TBC1D9B: variants seen among roughly 807,000 people sequenced by gnomAD.
TBC1D9B encodes the protein TBC1 domain family, member 9B (with GRAM domain).
In TBC1D9B, 87 loss-of-function variants were observed where a neutral mutation model predicts 121.1. The ratio of observed to expected loss-of-function variants is 0.72; its 90% CI spans 0.60 to 0.86. The LOEUF is 0.86. Among genes scored for constraint, TBC1D9B ranks in the 40% least tolerant of loss-of-function variants. TBC1D9B has a pLI of 0.00. For synonymous variants in TBC1D9B, 668 were observed against 670.1 expected (o/e 1.00, Z 0.05); for missense variants, 1,540 against 1,628.6 (o/e 0.95, Z 0.94).
intron 7 of TBC1D9B, chr5:179,884,396 G>A (rs1333964274): frequency 6.6e-6 from 1 of 152,186 alleles, no homozygotes; most frequent in African/African-American, 2.4e-5. Flanking sequence ...TCTGCACAGA[G>A]TCATGCCACA....
chr5:179,881,083 G>A (rs1001228760), intron 7 of TBC1D9B, among the ~76,000 whole-genome samples: 1 of 152,174 alleles, frequency 6.6e-6, no homozygotes, highest in African/African-American at 2.4e-5. Flanking sequence ...ACCGCCGGGT[G>A]TGTGGCGTGC....
chr5:179,887,107 T>C (rs1383449739), intron 7 of TBC1D9B, among the ~76,000 whole-genome samples: 1 of 152,230 alleles, frequency 6.6e-6, no homozygotes, highest in Admixed American at 6.5e-5. Context: ...GAGTAAAACA[T>C]GTATTCCACC....
chr5:179,870,530 C>T (rs780806301), intron 15 of TBC1D9B, 35 bp from the exon 16 acceptor site: 5 of 1,580,818 alleles, frequency 3.2e-6, no homozygotes, highest in Non-Finnish European at 4.3e-6. Context: ...GGTCCAGCCG[C>T]TAAGCCTGTG....
Position 179,888,090 on chromosome 5 carries a change from A to T in TBC1D9B, c.1254+13T>A. The T allele has an allele frequency of 3.1e-6, 5 of 1,613,128 alleles. No homozygotes were observed. Among genetic ancestry groups the T allele is most frequent in the Non-Finnish European group, 4.2e-6 (5 of 1,179,946 alleles). On this transcript the variant is annotated intron_variant, in intron 7 of 20. Coordinates refer to ENST00000355235, the MANE Select transcript of TBC1D9B (RefSeq NM_015043.4). ...GCCCAACTCGACCCTGCTGCTCCCA[A>T]GGGGCTTCTCACCTCTGTGCTAGGG...
At position 179,907,561 on chromosome 5, in the gene TBC1D9B, C is replaced by T; in HGVS notation, c.118+143G>A. ...GGCTCCCGGGTCCTGGCCTCGCGCCCCCGCCCCGCCGCGCGCTGGCGTGCG... is the reference window on the plus strand; with the variant it reads ...GGCTCCCGGGTCCTGGCCTCGCGCCTCCGCCCCGCCGCGCGCTGGCGTGCG... On this transcript the variant is annotated intron_variant, in intron 1 of 20. Coordinates refer to ENST00000355235, the MANE Select transcript of TBC1D9B (RefSeq NM_015043.4). This position sits in a 1 kb window ranked among gnomAD's most constrained non-coding sequence, Gnocchi z 5.3. 3.1e-6 allele frequency: 1 copy of T among 324,242 alleles called. No homozygotes were observed. 20.1% of individuals were successfully genotyped at this position (324,242 alleles called of 1,614,324 possible).
At chr5:179,871,261 G>T (rs1188801096) in intron 15 of TBC1D9B, among the ~76,000 whole-genome samples, 1 of 152,206 alleles carries the variant, frequency 6.6e-6, no homozygotes, top group Non-Finnish European at 1.5e-5. Flanking sequence ...AAGAGGTCCT[G>T]CCTAAACTCC....
Position 179,904,220 on chromosome 5 carries a change from C to CTTTATT in TBC1D9B, c.229+481_229+482insAATAAA. 1.2e-5 allele frequency among the ~76,000 whole-genome samples: 1 copy of CTTTATT among 80,914 alleles called. No homozygotes were observed. The highest frequency in any genetic ancestry group is 5.0e-5 in the African/African-American group (1 of 20,020). 53.1% of individuals were successfully genotyped at this position (80,914 alleles called of 152,430 possible). On this transcript the variant is annotated intron_variant, in intron 2 of 20. Coordinates refer to ENST00000355235, the MANE Select transcript of TBC1D9B (RefSeq NM_015043.4). This position sits in a 1 kb window ranked among gnomAD's most constrained non-coding sequence, Gnocchi z 4.2. ...CTGTCCCCATGACCAGTGGAGCTGC[C>CTTTATT]TTTTTTTTTTTTTTTTTTTTTTGAG...
chr5:179,877,679 A>AAAAAAG (rs1760399722), intron 10 of TBC1D9B, among the ~76,000 whole-genome samples: 2 of 149,726 alleles, frequency 1.3e-5, no homozygotes, highest in South Asian at 4.1e-4. Context: ...AAAAAAAAAA[A>AAAAAAG]AAAAGAAAAG....
At position 179,865,372 on chromosome 5, in the gene TBC1D9B, G is replaced by C. The variant is rs2113598341; in HGVS notation, c.2915-12C>G. 1 of 1,612,774 alleles carries C rather than the reference G, an allele frequency of 6.2e-7. No homozygotes were observed. The highest frequency in any genetic ancestry group is 8.5e-7 in the Non-Finnish European group (1 of 1,178,932). ...GGTCCCCTTCTCCTCTGCAGGTTAGGAGGAAAGAGATTAATCTTTGTCATG... is the reference window on the plus strand; with the variant it reads ...GGTCCCCTTCTCCTCTGCAGGTTAGCAGGAAAGAGATTAATCTTTGTCATG... On this transcript the variant is annotated splice_polypyrimidine_tract_variant and intron_variant, in intron 19 of 20. Transcript: ENST00000355235. This position sits in a 1 kb window ranked among gnomAD's most constrained non-coding sequence, Gnocchi z 5.1.
chr5:179,876,637 C>A (rs1026423321), intron 10 of TBC1D9B, among the ~76,000 whole-genome samples: 5 of 152,164 alleles, frequency 3.3e-5, no homozygotes, highest in African/African-American at 7.2e-5. Context: ...CAATTAGATA[C>A]CCTCATGCCC....
At chr5:179,870,134 A>AG in intron 16 of TBC1D9B, 121 bp downstream of exon 16, 2 of 1,491,104 alleles carry the variant, frequency 1.3e-6, no homozygotes, top group South Asian at 2.6e-5. Flanking sequence ...ATCTAGGGCC[A>AG]GGGGCTCAAG....
intron 12 of TBC1D9B, among the ~76,000 whole-genome samples, chr5:179,873,736 C>T (rs1760271661): frequency 6.6e-6 from 1 of 152,152 alleles, no homozygotes; most frequent in African/African-American, 2.4e-5. Flanking sequence ...TGGAGCCCTA[C>T]CTCTGTCAGC....
intron 9 of TBC1D9B, 47 bp downstream of exon 9, chr5:179,879,000 G>A (rs1483383533): frequency 1.3e-6 from 2 of 1,587,068 alleles, no homozygotes; most frequent in South Asian, 2.2e-5. Context: ...GAGAGCTTGG[G>A]GACTGACTGG....
chr5:179,900,824 G>A (rs1052159206), intron 2 of TBC1D9B, among the ~76,000 whole-genome samples: 8 of 152,120 alleles, frequency 5.3e-5, no homozygotes, highest in East Asian at 3.9e-4. Context: ...AGAGCACTAC[G>A]GCACTATGCT....
intron 3 of TBC1D9B, 48 bp downstream of exon 3, chr5:179,899,140 AC>A (rs1375908578): frequency 1.4e-6 from 2 of 1,473,834 alleles, no homozygotes; most frequent in Non-Finnish European, 1.9e-6. Context: ...ACACGAGAAC[AC>A]TGCTGGCCAG....
intron 7 of TBC1D9B, among the ~76,000 whole-genome samples, chr5:179,883,539 T>C (rs986556818): frequency 2.0e-5 from 3 of 152,194 alleles, no homozygotes; most frequent in African/African-American, 7.2e-5. Context: ...TCTGGTTTTT[T>C]TTTTCTTATT....
chr5:179,876,129 C>A, intron 10 of TBC1D9B, 92 bp from the exon 11 acceptor site: 1 of 893,216 alleles, frequency 1.1e-6, no homozygotes, highest in Non-Finnish European at 1.7e-6. Context: ...CCCCTCCCTG[C>A]AAGGGCCCAC....
rs979350477 is a variant in TBC1D9B, at chr5:179,907,252, G to T, written c.118+452C>A. ...AAAAGGGCGATACTTTGGTGAGATG[G>T]GCACGAAGAAGAGGGCAAAAGAAAA... On this transcript the variant is annotated intron_variant, in intron 1 of 20. Coordinates refer to ENST00000355235, the MANE Select transcript of TBC1D9B (RefSeq NM_015043.4). This position sits in a 1 kb window ranked among gnomAD's most constrained non-coding sequence, Gnocchi z 5.3. 2.6e-5 allele frequency among the ~76,000 whole-genome samples: 4 copies of T among 152,290 alleles called. No individual in the cohort carries two copies. In the East Asian group the frequency reaches 5.8e-4, roughly 22 times the overall value.
chr5:179,891,209 T>C lies in TBC1D9B; in HGVS notation c.1044+170A>G, dbSNP rs1392606747. On this transcript the variant is annotated intron_variant, in intron 6 of 20. Transcript: ENST00000355235. This position sits in a 1 kb window ranked among gnomAD's most constrained non-coding sequence, Gnocchi z 4.3. ...AGGTGCCTGTGGAGGGGCTCACTTG[T>C]CCTACACCCTCCACCTGTCCCATCA... is the stretch of plus-strand genomic sequence containing the variant. Among the ~76,000 whole-genome samples the C allele has an allele frequency of 2.0e-5, 3 of 152,206 alleles. No individual in the cohort carries two copies. The highest frequency in any genetic ancestry group is 2.0e-4 in the Admixed American group (3 of 15,284).
Sources: gnomAD v4.1 joint callset for allele counts (sites outside exome capture counted in the v4.1 genomes callset) on GRCh38, gnomAD v4.1.1 for gene constraint, Gnocchi (gnomAD v3.1) non-coding constraint, MANE v1.5 for transcripts, NCBI Gene and HGNC (gene_info 2026-07-23, HGNC 2026-07-21) for gene names.